The following ZFHX3 variants were observed in gnomAD, a reference collection of about 807,000 sequenced individuals.
ZFHX3 encodes the protein zinc finger homeobox protein 3.
In ZFHX3, 42 loss-of-function variants were observed where a neutral mutation model predicts 279.1. The observed-to-expected ratio is 0.15, with a 90% CI of 0.12 to 0.19. The LOEUF (loss-of-function observed/expected upper bound fraction) is 0.19. Ranked by LOEUF, ZFHX3 falls within the 10% of genes least tolerant of loss-of-function variation. The pLI is 1.00. For synonymous variants in ZFHX3, 2,293 were observed against 1,957.8 expected, an observed-to-expected ratio of 1.17 and a Z score of -4.52; for missense variants, 4,981 against 4,754.0, an observed-to-expected ratio of 1.05 and a Z score of -1.40.
rs147185941 is a variant in ZFHX3, at chr16:73,623,674, G to A, written c.-1547+56506C>T. Among the ~76,000 whole-genome samples, 648 of 152,206 alleles carry A rather than the reference G, an allele frequency of 4.3e-3. 7 individuals carry two copies. Among genetic ancestry groups the A allele is most frequent in the Non-Finnish European group, 6.4e-3 (437 of 68,004 alleles). The stretch of plus-strand genomic sequence containing the variant: ...AAAATCGTGAAATATTTTTTTAAAT[G>A]TAGATGCTTTGTCTGACGTGTTGGT... On this transcript the variant is annotated intron_variant, in intron 2 of 17. Transcript: ENST00000641206.
At chr16:72,978,979 G>T (rs570368204) in intron 1 of ZFHX3, among the ~76,000 whole-genome samples, 21 of 152,288 alleles carry the variant, frequency 1.4e-4, no homozygotes, top group African/African-American at 1.9e-4. Flanking sequence ...GATAGATGAA[G>T]AGGCAGAGGT....
At chr16:73,253,534 CTCCGCCTCTCAGGT>C (rs2013574222) in intron 5 of ZFHX3, among the ~76,000 whole-genome samples, 1 of 151,240 alleles carries the variant, frequency 6.6e-6, no homozygotes, top group Non-Finnish European at 1.5e-5. Context: ...TCACTGCAAG[CTCCGCCTCTCAGGT>C]TCACGCCATT....
chr16:73,668,869 T>C (rs1385232828), intron 2 of ZFHX3, among the ~76,000 whole-genome samples: 1 of 152,130 alleles, frequency 6.6e-6, no homozygotes, highest in Admixed American at 6.5e-5. Flanking sequence ...CTCATGCCAG[T>C]TAGAATGGCA....
chr16:73,078,565 T>G (rs892107489), intron 8 of ZFHX3, among the ~76,000 whole-genome samples: 1 of 152,154 alleles, frequency 6.6e-6, no homozygotes, highest in Non-Finnish European at 1.5e-5. Flanking sequence ...ACCATGCCAA[T>G]TCCTAGCCCA....
chr16:72,808,203 T>G (rs2036329362), intron 7 of ZFHX3: 1 of 152,190 alleles, frequency 6.6e-6, no homozygotes, highest in African/African-American at 2.4e-5. Flanking sequence ...TACACCAAAT[T>G]TTTCAGAGGA....
At chr16:73,258,677 G>C (rs563145697) in intron 4 of ZFHX3, among the ~76,000 whole-genome samples, 2 of 152,264 alleles carry the variant, frequency 1.3e-5, no homozygotes, top group East Asian at 3.9e-4. Flanking sequence ...ATTTGGAAAA[G>C]TACAGAGAAT....
intron 1 of ZFHX3, among the ~76,000 whole-genome samples, chr16:73,702,159 G>A (rs542940304): frequency 7.9e-5 from 12 of 151,934 alleles, no homozygotes; most frequent in Non-Finnish European, 1.5e-4. Context: ...AATAACAACC[G>A]CACCCCCCAC....
chr16:73,430,104 G>A (rs1347129794), intron 3 of ZFHX3, among the ~76,000 whole-genome samples: 1 of 151,962 alleles, frequency 6.6e-6, no homozygotes, highest in Non-Finnish European at 1.5e-5. Flanking sequence ...TGCCCAGGCT[G>A]GTCTCCAACT....
chr16:73,815,399 C>A (rs1960539746), intron 1 of ZFHX3, among the ~76,000 whole-genome samples: 2 of 152,066 alleles, frequency 1.3e-5, no homozygotes, highest in African/African-American at 4.8e-5. Context: ...GATATGGCCC[C>A]TAGGAGACCA....
chr16:73,239,507 T>A (rs1006110388), intron 5 of ZFHX3, among the ~76,000 whole-genome samples: 2 of 152,242 alleles, frequency 1.3e-5, no homozygotes, highest in Non-Finnish European at 2.9e-5. Context: ...ATTTCTAAGA[T>A]GTTTCCATTT....
At chr16:73,571,011 G>A (rs954356179) in intron 2 of ZFHX3, among the ~76,000 whole-genome samples, 7 of 149,804 alleles carry the variant, frequency 4.7e-5, no homozygotes, top group Non-Finnish European at 8.9e-5. Context: ...ATTTTGTTTC[G>A]ATGGAGTGAT....
chr16:73,673,576 C>T (rs996556224), intron 2 of ZFHX3, among the ~76,000 whole-genome samples: 11 of 124,944 alleles, frequency 8.8e-5, no homozygotes, highest in Non-Finnish European at 1.8e-4. Context: ...TAGGCAAGAA[C>T]TATTTCATGA....
At chr16:72,975,006 T>A (rs1962288936) in intron 1 of ZFHX3, among the ~76,000 whole-genome samples, 1 of 152,156 alleles carries the variant, frequency 6.6e-6, no homozygotes, top group African/African-American at 2.4e-5. Context: ...GTTGCTCCTA[T>A]CTCGATTCTC....
chr16:73,047,657 C>T (rs1965346775), intron 1 of ZFHX3, 95 bp downstream of exon 1: 1 of 153,130 alleles, frequency 6.5e-6, no homozygotes, highest in African/African-American at 2.4e-5. Context: ...CCTTCCCCCA[C>T]ACGCCCCAAG....
chr16:73,863,113 G>A (rs1961924112), intron 1 of ZFHX3, among the ~76,000 whole-genome samples: 6 of 152,212 alleles, frequency 3.9e-5, no homozygotes, highest in Admixed American at 3.9e-4. Context: ...GGCTGAAGCA[G>A]GAGAATGGCT....
chr16:72,795,928 A>G lies in ZFHX3; in HGVS notation c.6754T>C (p.Tyr2252His), dbSNP rs748718292. The change falls in exon 9 of 10, where the codon TAC becomes CAC. Residue 2252 changes from tyrosine to histidine, a missense_variant. Coordinates refer to ENST00000268489, the MANE Select transcript of ZFHX3 (RefSeq NM_006885.4). The stretch of plus-strand genomic sequence containing the variant: ...AAGTCCTGTAAGACCCTCAGCTGGT[A>G]GTCCGTAAACCTTGTTCTTGAAGAC... Reference protein sequence around the residue: ...KRSSRTRFTDYQLRVLQDFFD... With the variant: ...KRSSRTRFTDHQLRVLQDFFD... 5 of 1,614,058 alleles carry G rather than the reference A, an allele frequency of 3.1e-6. No individual in the cohort carries two copies. The highest frequency in any genetic ancestry group is 2.7e-5 in the African/African-American group (2 of 74,908).
intron 5 of ZFHX3, among the ~76,000 whole-genome samples, chr16:73,161,137 T>A (rs1367800644): frequency 1.3e-5 from 2 of 152,132 alleles, no homozygotes; most frequent in Non-Finnish European, 2.9e-5. Context: ...CATGCCTGGC[T>A]AATCTTTTAA....
At chr16:73,811,936 T>C (rs1189063583) in intron 1 of ZFHX3, among the ~76,000 whole-genome samples, 1 of 152,216 alleles carries the variant, frequency 6.6e-6, no homozygotes, top group Non-Finnish European at 1.5e-5. Context: ...GAGACTGTGC[T>C]GAACTTTTTA....
rs1275120108 is a variant in ZFHX3 at position 73,105,392 on chromosome 16, C to T, written c.-896-11794G>A. Among the ~76,000 whole-genome samples, 48 of 122,728 alleles carry T rather than the reference C, an allele frequency of 3.9e-4. 4 individuals carry two copies. The highest frequency in any genetic ancestry group is 2.0e-3 in the African/African-American group (46 of 22,480). 80.5% of individuals were successfully genotyped at this position (122,728 alleles called of 152,430 possible). A position where few individuals can be genotyped will look rare whatever the true frequency, so the allele number is the denominator to read the frequency against. On this transcript the variant is annotated intron_variant, in intron 7 of 17. Transcript: ENST00000641206. ...ACACATATATATATATACACACACACACATATATATATATATACACACACA... is the reference window on the plus strand; with the variant it reads ...ACACATATATATATATACACACACATACATATATATATATATACACACACA...
Sources: allele counts gnomAD v4.1 joint callset (sites outside exome capture counted in the v4.1 genomes callset), GRCh38; gene constraint gnomAD v4.1.1; transcripts MANE v1.5; gene names NCBI Gene and HGNC (gene_info 2026-07-23, HGNC 2026-07-21).